DST: variants seen among roughly 807,000 people sequenced by gnomAD.
The protein encoded by DST is dystonin.
A neutral mutation model predicts 875.2 loss-of-function variants in DST; 253 were observed. That is an observed-to-expected ratio of 0.29 (90% CI 0.26 to 0.32). DST has a LOEUF of 0.32. Ranked by LOEUF, DST falls within the 10% of genes least tolerant of loss-of-function variation. The pLI is 1.00. For synonymous variants in DST, 3,124 were observed against 3,197.1 expected (o/e 0.98, Z 0.77); for missense variants, 8,287 against 9,111.6 (o/e 0.91, Z 3.68).
In DST at chr6:56,504,011, T is replaced by C. The variant is rs946701756; in HGVS notation, c.19552A>G (p.Ile6518Val). ...GTDLETVKQQIEELKQFKSEA... is the reference protein window; with the variant it reads ...GTDLETVKQQVEELKQFKSEA... ...CCCACACATACCTTTAGCTCTTCAA[T>C]CTGCTGCTTGACAGTTTCGAGATCT... The change falls in exon 78 of 104, where the codon ATT becomes GTT. Residue 6518 changes from isoleucine to valine, a missense_variant. Ile to Val is a conservative substitution (Grantham distance 29). Around this residue, in one of 10 missense-constraint regions of DST, gnomAD observed 1,292 missense variants for 1,552.7 expected, o/e 0.83. Transcript: ENST00000680361. The C allele has an allele frequency of 6.2e-7, 1 of 1,607,934 alleles. No individual in the cohort carries two copies.
At chr6:56,688,931 T>C (rs1588613084) in intron 9 of DST, among the ~76,000 whole-genome samples, 1 of 152,204 alleles carries the variant, frequency 6.6e-6, no homozygotes, top group East Asian at 1.9e-4. Flanking sequence ...CATACACTTA[T>C]GCACATGAAT....
At chr6:56,825,375 G>A (rs1311691099) in intron 4 of DST, among the ~76,000 whole-genome samples, 1 of 149,588 alleles carries the variant, frequency 6.7e-6, no homozygotes, top group Non-Finnish European at 1.5e-5. Context: ...AGGCCGCAGG[G>A]TCCTCTGCCT....
At chr6:56,868,244 T>A (rs1399768569) in intron 3 of DST, among the ~76,000 whole-genome samples, 1 of 152,220 alleles carries the variant, frequency 6.6e-6, no homozygotes, top group Non-Finnish European at 1.5e-5. Context: ...TTCTCAACTA[T>A]GAGGTCTTGT....
intron 10 of DST, among the ~76,000 whole-genome samples, chr6:56,665,299 CTAAT>C (rs201221816): frequency 3.9e-4 from 60 of 152,144 alleles, no homozygotes; most frequent in East Asian, 1.2e-3. Flanking sequence ...ATTTTGGTAA[CTAAT>C]TAGTTAAACA....
intron 29 of DST, 152 bp downstream of exon 29, chr6:56,631,731 T>G: frequency 2.8e-6 from 2 of 721,310 alleles, no homozygotes; most frequent in South Asian, 1.6e-5. Context: ...GAATCCTAGT[T>G]TATAATCAGC....
intron 2 of DST, among the ~76,000 whole-genome samples, chr6:56,913,781 G>A (rs2817577): frequency 0.97 from 147,311 of 152,350 alleles, 71,243 homozygotes; most frequent in East Asian, 1. Flanking sequence ...TCTGGCAGCC[G>A]TGTCTACTCC....
At chr6:56,913,353 T>C (rs1799540815) in intron 2 of DST, among the ~76,000 whole-genome samples, 1 of 152,222 alleles carries the variant, frequency 6.6e-6, no homozygotes, top group African/African-American at 2.4e-5. Context: ...CCTAATACTT[T>C]GTAAGTATCT....
At chr6:56,766,592 G>A (rs1431521342) in intron 4 of DST, among the ~76,000 whole-genome samples, 3 of 150,930 alleles carry the variant, frequency 2.0e-5, no homozygotes, top group Non-Finnish European at 4.4e-5. Context: ...ATGCAGTGGC[G>A]TGATTTCGAC....
chr6:56,609,314 G>A lies in DST; in HGVS notation c.5314C>T (p.Gln1772Ter). The part of the protein sequence containing the change: ...LDKVIAGTID[Q>*]TTGEVLSVFQ... ...ACTGAAAGGACTTCTCCAGTTGTCT[G>A]ATCAATGGTGCCTGCAATCACTTTA... Residue 1772 changes from glutamine (Q) to a stop codon, truncating the protein, a stop_gained, in exon 40 of 104, where the codon CAG becomes TAG. Coordinates refer to ENST00000680361, the MANE Select transcript of DST (RefSeq NM_001374736.1). LOFTEE classifies it high-confidence loss of function. The A allele has an allele frequency of 6.2e-7, 1 of 1,610,088 alleles. No individual in the cohort carries two copies. Among genetic ancestry groups the A allele is most frequent in the South Asian group, 1.1e-5 (1 of 90,790 alleles).
intron 72 of DST, among the ~76,000 whole-genome samples, chr6:56,514,988 C>T (rs776601949): frequency 6.6e-6 from 1 of 152,124 alleles, no homozygotes; most frequent in Non-Finnish European, 1.5e-5. Flanking sequence ...CTTTTCATAG[C>T]TTTCATAATA....
chr6:56,619,022 T>C, intron 36 of DST: 1 of 1,614,258 alleles, frequency 6.2e-7, no homozygotes. Context: ...GATGATAATG[T>C]TCTGTTGGTC....
At chr6:56,534,060 A>AT (rs1328701306) in intron 63 of DST, among the ~76,000 whole-genome samples, 1 of 152,142 alleles carries the variant, frequency 6.6e-6, no homozygotes, top group Non-Finnish European at 1.5e-5. Flanking sequence ...CCTACTCATC[A>AT]TTTTTTTGTG....
chr6:56,487,023 G>A (rs554014604), intron 87 of DST, 81 bp downstream of exon 87: 29 of 1,398,138 alleles, frequency 2.1e-5, no homozygotes, highest in East Asian at 1.9e-4. Flanking sequence ...TAAGGTTCCC[G>A]AAATGTCCCC....
At chr6:56,790,397 C>G (rs537320252) in intron 4 of DST, among the ~76,000 whole-genome samples, 1 of 152,292 alleles carries the variant, frequency 6.6e-6, no homozygotes, top group South Asian at 2.1e-4. Flanking sequence ...ATTTGAAAGC[C>G]TGTGTTCTTT....
At chr6:56,686,906 T>A (rs2099191006) in intron 9 of DST, among the ~76,000 whole-genome samples, 1 of 152,248 alleles carries the variant, frequency 6.6e-6, no homozygotes, top group Non-Finnish European at 1.5e-5. Context: ...CCTCGTTTAA[T>A]CCTCAAAACA....
At position 56,887,893 on chromosome 6, in the gene DST, G is replaced by A. The variant is rs1218247604; in HGVS notation, c.417+12528C>T. ...ACCTTGCACATTCTTGTGCCCCTGT[G>A]CATTAATTATTCCAATACCTTACTG... On this transcript the variant is annotated intron_variant, in intron 3 of 103. Transcript: ENST00000680361. Among the ~76,000 whole-genome samples, 3 of 151,522 alleles carry A rather than the reference G, an allele frequency of 2.0e-5. No homozygotes were observed. The East Asian group carries it at 5.8e-4, about 29-fold the overall frequency.
At chr6:56,875,231 G>A (rs1037940864) in intron 3 of DST, among the ~76,000 whole-genome samples, 9 of 152,106 alleles carry the variant, frequency 5.9e-5, no homozygotes, top group Non-Finnish European at 7.4e-5. Flanking sequence ...TGATCCGCCC[G>A]CCTCAGCCTC....
At position 56,603,225 on chromosome 6, in the gene DST, G is replaced by C. The variant is rs764543113; in HGVS notation, c.11137C>G (p.Leu3713Val). 18 of 1,604,004 alleles carry C rather than the reference G, an allele frequency of 1.1e-5. No homozygotes were observed. In the African/African-American group the frequency reaches 2.3e-4, roughly 20 times the overall value. ...VSSERTKQIM[L>V]AIDSEMSKLA... ...CCTACCATTTCAGAGTCGATCGCAA[G>C]CATGATCTGTTTCGTTCTTTCTGAA... Residue 3713 changes from leucine to valine, a missense_variant, in exon 42 of 104, where the codon CTT becomes GTT. Around this residue, in one of 10 missense-constraint regions of DST, gnomAD observed 3,138 missense variants for 3,116.6 expected, o/e 1.01. Coordinates refer to ENST00000680361, the MANE Select transcript of DST (RefSeq NM_001374736.1).
rs2099470147 is a variant in DST, at chr6:56,727,710, T to A, written c.687+7518A>T. The stretch of plus-strand genomic sequence containing the variant: ...AGCCAAGATAGAGTATATGAGGGAA[T>A]GCTGAAAGAAATTAGAACACAGCAA... On this transcript the variant is annotated intron_variant, in intron 5 of 103. Coordinates refer to ENST00000680361, the MANE Select transcript of DST (RefSeq NM_001374736.1). 2.6e-5 allele frequency among the ~76,000 whole-genome samples: 4 copies of A among 152,206 alleles called. No homozygotes were observed. In the South Asian group the frequency reaches 8.3e-4, roughly 32 times the overall value.
Sources: allele counts gnomAD v4.1 joint callset (sites outside exome capture counted in the v4.1 genomes callset), GRCh38; gene constraint gnomAD v4.1.1; regional missense constraint gnomAD v4.1.1; transcripts MANE v1.5; gene names NCBI Gene and HGNC (gene_info 2026-07-23, HGNC 2026-07-21).